CDC123: variants seen among roughly 807,000 people sequenced by gnomAD.
The protein encoded by CDC123 is translation initiation factor eIF2 assembly protein.
A neutral mutation model predicts 54.4 loss-of-function variants in CDC123; 37 were observed. The ratio of observed to expected loss-of-function variants is 0.68; its 90% confidence interval spans 0.52 to 0.89. The LOEUF (loss-of-function observed/expected upper bound fraction) is 0.89, where lower values mean the gene tolerates loss of function less well. CDC123 is among the 40% of genes least tolerant of loss of function. The probability of loss-of-function intolerance (pLI) is 0.00; values close to 1 mark genes in which losing one functional copy is unlikely to be tolerated. For missense variants in CDC123, 361 were observed against 412.1 expected (o/e 0.88, Z 1.07); for synonymous variants, 144 against 136.8 (o/e 1.05, Z -0.37).
intron 4 of CDC123, among the ~76,000 whole-genome samples, chr10:12,211,399 G>GA (rs1004448482): frequency 2.7e-5 from 4 of 150,676 alleles, no homozygotes; most frequent in African/African-American, 4.9e-5. Flanking sequence ...CAGGATAGAA[G>GA]AAAAAAAAAG....
intron 10 of CDC123, among the ~76,000 whole-genome samples, chr10:12,240,721 T>G (rs545557304): frequency 4.0e-5 from 6 of 151,860 alleles, no homozygotes; most frequent in Non-Finnish European, 4.4e-5. Context: ...ACATAAAAAT[T>G]AGCCAGGTGT....
In CDC123 at chr10:12,208,879, C is replaced by CCT. The variant is rs1018096409; in HGVS notation, c.147-1078_147-1077dup. Among the ~76,000 whole-genome samples the CCT allele has an allele frequency of 2.2e-4, 34 of 152,106 alleles. No homozygotes were observed. In the Middle Eastern group the frequency reaches 0.01, roughly 46 times the overall value. On this transcript the variant is annotated intron_variant, in intron 2 of 12. Coordinates refer to ENST00000281141, the MANE Select transcript of CDC123 (RefSeq NM_006023.3). ...AAGACAGCATGCCTGTTTATTTTCCCCTCTCTCTCTCACCCTTTGCTGTGG... is the reference window on the plus strand; with the variant it reads ...AAGACAGCATGCCTGTTTATTTTCCCCTCTCTCTCTCTCACCCTTTGCTGTGG...
intron 10 of CDC123, among the ~76,000 whole-genome samples, chr10:12,243,386 GAA>G (rs5783245): frequency 1.4e-4 from 20 of 143,750 alleles, no homozygotes; most frequent in East Asian, 2.1e-4. Context: ...CAACAAGAGT[GAA>G]AAAAAAAAAA....
chr10:12,200,119 C>CCTTTTTTTTT lies in CDC123; in HGVS notation c.146+1343_146+1344insCTTTTTTTTT, dbSNP rs1564431631. Among the ~76,000 whole-genome samples the CCTTTTTTTTT allele has an allele frequency of 7.1e-3, 173 of 24,222 alleles. 7 individuals are homozygous for CCTTTTTTTTT. Among genetic ancestry groups the CCTTTTTTTTT allele is most frequent in the African/African-American group, 0.019 (169 of 8,730 alleles). The allele number at this position is 24,222 out of a possible 152,430, so 15.9% of individuals were successfully genotyped here. A position where few individuals can be genotyped will look rare whatever the true frequency, so the allele number is the denominator to read the frequency against. On this transcript the variant is annotated intron_variant, in intron 2 of 12. Transcript: ENST00000281141. ...TATAGGCCTGAGCCACCGCACTCGG[C>CCTTTTTTTTT]ATTTTTTTTTTTTTTTTTTTTTTTA...
rs762147633 is a variant in CDC123, at chr10:12,215,903, A to G, written c.333+68A>G. The stretch of plus-strand genomic sequence containing the variant: ...TGTTTTGCTGTTTATTTCATTTCAT[A>G]TCCCTACAGAGGGTCTAATTATATT... On this transcript the variant is annotated intron_variant, in intron 5 of 12. Coordinates refer to ENST00000281141, the MANE Select transcript of CDC123 (RefSeq NM_006023.3). 3.1e-6 allele frequency: 3 copies of G among 980,022 alleles called. No homozygotes were observed. In the South Asian group the frequency reaches 4.5e-5, roughly 15 times the overall value. The allele number at this position is 980,022 out of a possible 1,614,324, so 60.7% of individuals were successfully genotyped here.
intron 6 of CDC123, among the ~76,000 whole-genome samples, chr10:12,229,979 C>G (rs1017754052): frequency 5.3e-5 from 8 of 152,154 alleles, no homozygotes; most frequent in Admixed American, 5.2e-4. Context: ...GCCTTCCTGC[C>G]CTCGTTGAGA....
intron 2 of CDC123, 22 bp from the exon 3 acceptor site, chr10:12,209,945 A>T: frequency 1.9e-6 from 3 of 1,613,366 alleles, no homozygotes; most frequent in Middle Eastern, 3.3e-4. Flanking sequence ...TTCTTTCTTG[A>T]TGTTTGTTTG....
At chr10:12,208,820 G>A (rs1449039510) in intron 2 of CDC123, among the ~76,000 whole-genome samples, 2 of 152,168 alleles carry the variant, frequency 1.3e-5, no homozygotes, top group East Asian at 3.9e-4. Flanking sequence ...CCCTAATGAG[G>A]ACTGCACACC....
At chr10:12,249,533 C>T (rs1184085611) in intron 11 of CDC123, 48 bp from the exon 12 acceptor site, 1 of 1,588,702 alleles carries the variant, frequency 6.3e-7, no homozygotes, top group Admixed American at 1.8e-5. Flanking sequence ...CAGAATAGGC[C>T]TAAAAATAAA....
chr10:12,232,145 C>G (rs2131755048), intron 7 of CDC123, among the ~76,000 whole-genome samples: 2 of 152,194 alleles, frequency 1.3e-5, no homozygotes. Flanking sequence ...CTGCGCCCTG[C>G]CTTTTTTTAA....
intron 12 of CDC123, 73 bp from the exon 13 acceptor site, chr10:12,250,238 A>G (rs1256250232): frequency 4.3e-6 from 4 of 921,728 alleles, no homozygotes; most frequent in Non-Finnish European, 6.5e-6. Flanking sequence ...AGACCTCTAG[A>G]AAATTACACC....
At chr10:12,197,579 G>C (rs1050032760) in intron 1 of CDC123, among the ~76,000 whole-genome samples, 1 of 151,650 alleles carries the variant, frequency 6.6e-6, no homozygotes, top group Non-Finnish European at 1.5e-5. Flanking sequence ...GGTTTTCACC[G>C]TGTTAGCCAG....
At chr10:12,230,298 T>G (rs1335094055) in intron 6 of CDC123, among the ~76,000 whole-genome samples, 1 of 152,052 alleles carries the variant, frequency 6.6e-6, no homozygotes, top group Non-Finnish European at 1.5e-5. Context: ...TTTTAGGTGA[T>G]TCCCCTGCCT....
At chr10:12,239,822 A>C (rs1161109894) in intron 10 of CDC123, among the ~76,000 whole-genome samples, 2 of 151,716 alleles carry the variant, frequency 1.3e-5, no homozygotes, top group East Asian at 3.9e-4. Context: ...TCCTGGCTAA[A>C]ACGGTGAAAC....
At chr10:12,228,413 T>C (rs532344374) in intron 6 of CDC123, among the ~76,000 whole-genome samples, 2 of 151,764 alleles carry the variant, frequency 1.3e-5, no homozygotes, top group African/African-American at 4.8e-5. Context: ...TTTTTAGTTT[T>C]TTTTTTTTTT....
At chr10:12,198,904 CTT>C (rs1215943185) in intron 2 of CDC123, 128 bp downstream of exon 2, 1 of 619,234 alleles carries the variant, frequency 1.6e-6, no homozygotes, top group Non-Finnish European at 2.9e-6. Flanking sequence ...ATGTGCTGAT[CTT>C]TGTCTCATAT....
chr10:12,216,222 C>T (rs932957941), intron 5 of CDC123, among the ~76,000 whole-genome samples: 31 of 152,152 alleles, frequency 2.0e-4, no homozygotes, highest in Non-Finnish European at 1.0e-4. Context: ...TTGGAGAAGT[C>T]AACTGATCTT....
intron 10 of CDC123, among the ~76,000 whole-genome samples, chr10:12,239,510 C>T (rs1440725421): frequency 4.0e-5 from 6 of 149,772 alleles, no homozygotes; most frequent in Admixed American, 1.3e-4. Context: ...GTCGGGAGTT[C>T]GAAACCCACC....
intron 10 of CDC123, among the ~76,000 whole-genome samples, chr10:12,240,936 G>C (rs1836049575): frequency 6.6e-6 from 1 of 152,112 alleles, no homozygotes; most frequent in Non-Finnish European, 1.5e-5. Context: ...GAATCTACAG[G>C]GTGAATTCCT....
Sources: allele counts gnomAD v4.1 joint callset (sites outside exome capture counted in the v4.1 genomes callset), GRCh38; gene constraint gnomAD v4.1.1; transcripts MANE v1.5; gene names NCBI Gene and HGNC (gene_info 2026-07-23, HGNC 2026-07-21).